IQCM: variants seen among roughly 807,000 people sequenced by gnomAD.
The protein encoded by IQCM is IQ motif containing M.
In IQCM, 45 loss-of-function variants were observed where a neutral mutation model predicts 57.6. The ratio of observed to expected loss-of-function variants is 0.78; its 90% confidence interval spans 0.62 to 1.00. The LOEUF (loss-of-function observed/expected upper bound fraction) is 1.00. Among genes scored for constraint, IQCM ranks in the 50% least tolerant of loss-of-function variants. The pLI is 0.00. For synonymous variants in IQCM, 148 were observed against 158.9 expected (o/e 0.93, Z 0.51); for missense variants, 468 against 511.6 (o/e 0.91, Z 0.82).
intron 2 of IQCM, among the ~76,000 whole-genome samples, chr4:149,808,077 A>C (rs755511328): frequency 4.6e-5 from 7 of 152,140 alleles, no homozygotes; most frequent in Admixed American, 1.3e-4. Context: ...GCATATTTCC[A>C]AAAGAAAGGA....
chr4:149,763,872 C>T (rs1769775646), intron 2 of IQCM, among the ~76,000 whole-genome samples: 1 of 151,668 alleles, frequency 6.6e-6, no homozygotes, highest in Non-Finnish European at 1.5e-5. Context: ...CTGCAGGAAT[C>T]TCTGTAATGA....
intron 5 of IQCM, among the ~76,000 whole-genome samples, chr4:149,714,760 C>A (rs1231044741): frequency 6.6e-6 from 1 of 152,078 alleles, no homozygotes; most frequent in Non-Finnish European, 1.5e-5. Context: ...TTAAATAAGG[C>A]AAGGGTTACT....
Position 149,430,073 on chromosome 4 carries a change from T to C in IQCM, c.1390+3323A>G, listed in dbSNP as rs965259188. The C allele has an allele frequency of 1.1e-5, 12 of 1,133,916 alleles. No homozygotes were observed. The South Asian group carries it at 4.9e-4, about 46-fold the overall frequency. 70.2% of individuals were successfully genotyped at this position (1,133,916 alleles called of 1,614,324 possible). ...GCAGTCAGGTTCTTAATTCATCTTA[T>C]TAAACCCAAAACTTTCAACTTAAGT... is the stretch of plus-strand genomic sequence containing the variant. On this transcript the variant is annotated intron_variant, in intron 13 of 13. Coordinates refer to ENST00000636793, the MANE Select transcript of IQCM (RefSeq NM_001363507.2).
At chr4:149,772,020 G>A (rs1369260623) in intron 2 of IQCM, among the ~76,000 whole-genome samples, 3 of 152,068 alleles carry the variant, frequency 2.0e-5, no homozygotes, top group Admixed American at 2.0e-4. Flanking sequence ...AAAATGTCCT[G>A]GCTGAAATGA....
At chr4:149,523,600 G>C (rs1745874729) in intron 12 of IQCM, among the ~76,000 whole-genome samples, 1 of 152,080 alleles carries the variant, frequency 6.6e-6, no homozygotes. Context: ...AAGACAGAAA[G>C]ACAAAGAGGA....
intron 2 of IQCM, among the ~76,000 whole-genome samples, chr4:149,795,423 G>C (rs1773024223): frequency 6.6e-6 from 1 of 152,148 alleles, no homozygotes; most frequent in Admixed American, 6.5e-5. Flanking sequence ...GGGAATCACT[G>C]ATCCCAGTGG....
intron 2 of IQCM, among the ~76,000 whole-genome samples, chr4:149,760,345 C>T (rs1192551040): frequency 5.9e-5 from 9 of 151,938 alleles, no homozygotes; most frequent in Admixed American, 5.9e-4. Context: ...GTAAAGCTGG[C>T]ATTACAAAAA....
intron 13 of IQCM, among the ~76,000 whole-genome samples, chr4:149,370,707 T>A (rs1730309868): frequency 6.6e-6 from 1 of 152,138 alleles, no homozygotes; most frequent in Non-Finnish European, 1.5e-5. Flanking sequence ...TTGTTTCTTC[T>A]AACCTTTCCC....
intron 12 of IQCM, among the ~76,000 whole-genome samples, chr4:149,520,288 T>TC (rs1745494682): frequency 6.7e-6 from 1 of 150,050 alleles, no homozygotes; most frequent in South Asian, 2.1e-4. Context: ...GCACCCTGGC[T>TC]CCCATAAATG....
intron 13 of IQCM, among the ~76,000 whole-genome samples, chr4:149,379,315 A>T (rs553458185): frequency 2.0e-5 from 3 of 152,270 alleles, no homozygotes; most frequent in Admixed American, 6.5e-5. Context: ...TGAATGGTAG[A>T]TCCACCAACA....
At chr4:149,738,532 T>C (rs1767153248) in intron 3 of IQCM, among the ~76,000 whole-genome samples, 1 of 152,120 alleles carries the variant, frequency 6.6e-6, no homozygotes, top group South Asian at 2.1e-4. Flanking sequence ...TGCGCTCTAG[T>C]AGCGCTAATG....
chr4:149,448,964 A>G (rs1380678033), intron 12 of IQCM, among the ~76,000 whole-genome samples: 2 of 151,814 alleles, frequency 1.3e-5, no homozygotes, highest in East Asian at 1.9e-4. Flanking sequence ...ATGTTTCCCA[A>G]TTCATTATAT....
intron 2 of IQCM, among the ~76,000 whole-genome samples, chr4:149,795,261 T>C (rs1434738944): frequency 1.3e-5 from 2 of 152,096 alleles, no homozygotes; most frequent in Non-Finnish European, 2.9e-5. Context: ...TGGCTTGCTG[T>C]GGAGAGCACT....
In IQCM at chr4:149,392,209, T is replaced by C. The variant is rs186391836; in HGVS notation, c.1391-40143A>G. Among the ~76,000 whole-genome samples the C allele has an allele frequency of 2.7e-4, 41 of 152,084 alleles. 1 individual carries two copies. Among genetic ancestry groups the C allele is most frequent in the Middle Eastern group, 3.4e-3 (1 of 294 alleles). On this transcript the variant is annotated intron_variant, in intron 13 of 13. Transcript: ENST00000636793. The stretch of plus-strand genomic sequence containing the variant: ...ATTCTTTTTGGCAAAATATTAACTA[T>C]TAGCTTGTTTTACAAATTTGAAATC...
chr4:149,753,883 A>G (rs1768710632), intron 2 of IQCM, among the ~76,000 whole-genome samples: 1 of 152,036 alleles, frequency 6.6e-6, no homozygotes, highest in South Asian at 2.1e-4. Flanking sequence ...AATGACATCA[A>G]TCTAGAGATT....
Position 149,354,372 on chromosome 4 carries a change from A to AAAAAAAAAAAAAC in IQCM, c.1391-2307_1391-2306insGTTTTTTTTTTTT, listed in dbSNP as rs1728795538. On this transcript the variant is annotated intron_variant, in intron 13 of 13. Transcript: ENST00000636793. The stretch of plus-strand genomic sequence containing the variant: ...GAGCGAGACTCCGTCTCAAAAAAAA[A>AAAAAAAAAAAAAC]AAAAAAAAAAAAAAAAACTGACAAA... Among the ~76,000 whole-genome samples the AAAAAAAAAAAAAC allele has an allele frequency of 1.4e-5, 2 of 138,416 alleles. 1 individual carries two copies. Among genetic ancestry groups the AAAAAAAAAAAAAC allele is most frequent in the African/African-American group, 5.5e-5 (2 of 36,224 alleles). The allele number at this position is 138,416 out of a possible 152,430, so 90.8% of individuals were successfully genotyped here.
At chr4:149,442,589 C>G (rs1216671272) in intron 12 of IQCM, among the ~76,000 whole-genome samples, 1 of 152,142 alleles carries the variant, frequency 6.6e-6, no homozygotes, top group East Asian at 1.9e-4. Context: ...CTCTTCTCGT[C>G]CAGTTACCAA....
At chr4:149,400,050 A>G (rs1462644912) in intron 13 of IQCM, among the ~76,000 whole-genome samples, 3 of 151,992 alleles carry the variant, frequency 2.0e-5, no homozygotes, top group African/African-American at 7.2e-5. Flanking sequence ...CATTATCAAT[A>G]CTTTTGTTGC....
At chr4:149,440,794 T>C (rs1467391417) in intron 12 of IQCM, among the ~76,000 whole-genome samples, 7 of 152,162 alleles carry the variant, frequency 4.6e-5, no homozygotes, top group African/African-American at 1.4e-4. Flanking sequence ...TCTTTCAGAA[T>C]TGAGCCATTC....
Sources: gnomAD v4.1 joint callset for allele counts (sites outside exome capture counted in the v4.1 genomes callset) on GRCh38, gnomAD v4.1.1 for gene constraint, MANE v1.5 for transcripts, NCBI Gene and HGNC (gene_info 2026-07-23, HGNC 2026-07-21) for gene names.